Variants in POF1B observed in about 807,000 individuals in gnomAD.
POF1B encodes protein POF1B.
POF1B carries 53 observed loss-of-function variants against 55.3 expected under a neutral mutation model. That is an observed-to-expected ratio of 0.96 (90% CI 0.77 to 1.20). The LOEUF (loss-of-function observed/expected upper bound fraction) is 1.20, where lower values mean the gene tolerates loss of function less well. POF1B is among the 50% of genes most tolerant of loss of function. The probability of loss-of-function intolerance (pLI) is 0.00; values close to 1 mark genes in which losing one functional copy is unlikely to be tolerated. For synonymous variants in POF1B, 188 were observed against 148.3 expected (o/e 1.27, Z -1.95); for missense variants, 478 against 420.5 (o/e 1.14, Z -1.20).
rs1251231561 is a variant in POF1B at position 85,303,396 on chromosome X, A to T, written c.1649+10T>A. The T allele has an allele frequency of 1.9e-6, 2 of 1,075,565 alleles. No individual in the cohort carries two copies. The highest frequency in any genetic ancestry group is 2.5e-6 in the Non-Finnish European group (2 of 788,907). 88.6% of individuals were successfully genotyped at this position (1,075,565 alleles called of 1,213,427 possible). ...TTTTTATATTCAAATTTCATTTAAA[A>T]ATACATTACTTTTTAGTGGTAATAG... On this transcript the variant is annotated intron_variant, in intron 15 of 16. Coordinates refer to ENST00000262753, the MANE Select transcript of POF1B (RefSeq NM_024921.4).
Position 85,307,287 on chromosome X carries a change from A to T in POF1B, c.1051-11T>A. 9.0e-7 allele frequency: 1 copy of T among 1,111,939 alleles called. No individual in the cohort carries two copies. The highest frequency in any genetic ancestry group is 1.2e-6 in the Non-Finnish European group (1 of 819,135). 91.6% of individuals were successfully genotyped at this position (1,111,939 alleles called of 1,213,427 possible). On this transcript the variant is annotated splice_polypyrimidine_tract_variant and intron_variant, in intron 10 of 16. Coordinates refer to ENST00000262753, the MANE Select transcript of POF1B (RefSeq NM_024921.4). ...GTCATTTTCCAGTGACTAGAAGCAT[A>T]AATTATTTATTATGATTCAGAATTG...
chrX:85,288,950 A>G lies in POF1B; in HGVS notation c.1650-6633T>C, dbSNP rs765662339. Among the ~76,000 whole-genome samples, 4 of 111,823 alleles carry G rather than the reference A, an allele frequency of 3.6e-5. No homozygotes were observed. The South Asian group carries it at 1.5e-3, about 42-fold the overall frequency. ...ATGCTATGCAGCTCTGTGTGATGGG[A>G]CTGACTTCATTTGAAACAGATAATG... On this transcript the variant is annotated intron_variant, in intron 15 of 16. Transcript: ENST00000262753.
At chrX:85,296,275 T>C (rs1218544586) in intron 15 of POF1B, among the ~76,000 whole-genome samples, 1 of 112,126 alleles carries the variant, frequency 8.9e-6, no homozygotes, top group Non-Finnish European at 1.9e-5. Context: ...ATTTTGATCA[T>C]GTCATCTTGT....
intron 4 of POF1B, among the ~76,000 whole-genome samples, chrX:85,358,524 A>G (rs1330726154): frequency 9.0e-6 from 1 of 111,647 alleles, no homozygotes; most frequent in East Asian, 2.8e-4. Flanking sequence ...CTAATGGAAC[A>G]AAGGTATTTC....
chrX:85,327,789 A>G (rs1932914007), intron 7 of POF1B, among the ~76,000 whole-genome samples: 2 of 112,361 alleles, frequency 1.8e-5, no homozygotes, highest in South Asian at 3.7e-4. Context: ...ACTTCTTCCA[A>G]TTCAAATGCC....
chrX:85,332,172 T>G (rs1932990504), intron 6 of POF1B, among the ~76,000 whole-genome samples: 1 of 111,827 alleles, frequency 8.9e-6, no homozygotes, highest in African/African-American at 3.2e-5. Flanking sequence ...CAGCCTGATT[T>G]GTTAGTATAT....
intron 6 of POF1B, among the ~76,000 whole-genome samples, chrX:85,337,289 T>C (rs1385201353): frequency 9.0e-6 from 1 of 111,490 alleles, no homozygotes; most frequent in Admixed American, 9.6e-5. Flanking sequence ...CACCTTGCTC[T>C]CCCTCCCTCA....
chrX:85,329,506 A>G (rs1356849575), intron 7 of POF1B, among the ~76,000 whole-genome samples: 4 of 111,177 alleles, frequency 3.6e-5, no homozygotes, highest in African/African-American at 1.3e-4. Flanking sequence ...GCAACTATCT[A>G]TTGAGCACCA....
At chrX:85,361,955 CGT>C (rs3049233) in intron 3 of POF1B, among the ~76,000 whole-genome samples, 7,171 of 93,683 alleles carry the variant, frequency 0.077, 261 homozygotes, top group African/African-American at 0.12. Flanking sequence ...CTAGGTATTT[CGT>C]GTGTGTGTGT....
At chrX:85,336,236 T>A (rs1933071935) in intron 6 of POF1B, among the ~76,000 whole-genome samples, 1 of 111,457 alleles carries the variant, frequency 9.0e-6, no homozygotes, top group African/African-American at 3.3e-5. Flanking sequence ...TGTACCAAAT[T>A]TTCTTTATCC....
intron 2 of POF1B, among the ~76,000 whole-genome samples, chrX:85,373,832 G>C (rs771668225): frequency 1.8e-5 from 2 of 111,515 alleles, no homozygotes; most frequent in East Asian, 5.7e-4. Context: ...AGGGTGTCTA[G>C]ATTGGTGAGG....
At position 85,379,369 on chromosome X, in the gene POF1B, T is replaced by G. The variant is rs755369301; in HGVS notation, c.86A>C (p.His29Pro). The change falls in exon 2 of 17, where the codon CAT (histidine) becomes CCT (proline). Residue 29 changes from histidine to proline, a missense_variant. Transcript: ENST00000262753. ...GCTTGACTGATGGTAGCAGTGGTAA[T>G]GCTGGGGCTGGCACTGCAGCACCTC... ...LPEVLQCQPQHYHCYHQSSQA... is the reference protein window; with the variant it reads ...LPEVLQCQPQPYHCYHQSSQA... 24 of 1,207,662 alleles carry G rather than the reference T, an allele frequency of 2.0e-5. No homozygotes were observed. The Admixed American group carries it at 4.8e-4, about 24-fold the overall frequency.
chrX:85,329,641 T>C (rs1319220698), intron 7 of POF1B, among the ~76,000 whole-genome samples: 1 of 106,709 alleles, frequency 9.4e-6, no homozygotes, highest in African/African-American at 3.5e-5. Context: ...TTTTTTTTTT[T>C]TTTAAAAAAA....
intron 15 of POF1B, among the ~76,000 whole-genome samples, chrX:85,287,619 A>G (rs892535072): frequency 1.8e-5 from 2 of 111,232 alleles, no homozygotes; most frequent in Non-Finnish European, 3.8e-5. Flanking sequence ...CACAAAGTCA[A>G]CTCCAGTCCA....
At chrX:85,329,120 G>T (rs749538528) in intron 7 of POF1B, among the ~76,000 whole-genome samples, 1 of 111,841 alleles carries the variant, frequency 8.9e-6, no homozygotes, top group Non-Finnish European at 1.9e-5. Context: ...GTAGCTGTGT[G>T]ATCTTAATAA....
intron 9 of POF1B, 143 bp from the exon 10 acceptor site, chrX:85,308,359 T>C: frequency 3.0e-6 from 1 of 334,944 alleles, no homozygotes; most frequent in South Asian, 1.1e-4. Flanking sequence ...ATAAGGCATT[T>C]TGTCAATAGT....
intron 4 of POF1B, among the ~76,000 whole-genome samples, chrX:85,354,340 G>A (rs1933444163): frequency 9.0e-6 from 1 of 110,732 alleles, no homozygotes; most frequent in African/African-American, 3.3e-5. Context: ...CTGAGGGCAG[G>A]GACTTTGACG....
At chrX:85,327,584 A>G (rs1932911548) in intron 7 of POF1B, among the ~76,000 whole-genome samples, 1 of 112,074 alleles carries the variant, frequency 8.9e-6, no homozygotes, top group African/African-American at 3.2e-5. Flanking sequence ...AATAGAATTT[A>G]TAGGGAGGGC....
chrX:85,295,670 C>T (rs1932293613), intron 15 of POF1B, among the ~76,000 whole-genome samples: 1 of 111,637 alleles, frequency 9.0e-6, no homozygotes, highest in Non-Finnish European at 1.9e-5. Context: ...AGAATATGTT[C>T]TGTGTGCAGT....
Sources: allele counts gnomAD v4.1 joint callset (sites outside exome capture counted in the v4.1 genomes callset), GRCh38; gene constraint gnomAD v4.1.1; transcripts MANE v1.5; gene names NCBI Gene and HGNC (gene_info 2026-07-23, HGNC 2026-07-21).